Variants in WDR20 observed in about 807,000 individuals in gnomAD.
WDR20 encodes WD repeat-containing protein 20.
A neutral mutation model predicts 38.7 loss-of-function variants in WDR20; 3 were observed. The observed-to-expected ratio is 0.08, with a 90% confidence interval of 0.04 to 0.20. The LOEUF (loss-of-function observed/expected upper bound fraction) is 0.20. WDR20 is among the 10% of genes least tolerant of loss of function. The pLI, the probability that WDR20 is intolerant of heterozygous loss-of-function variation, is 1.00. For missense variants in WDR20, 559 were observed against 727.7 expected, an observed-to-expected ratio of 0.77 and a Z score of 2.67; for synonymous variants, 298 against 285.6, an observed-to-expected ratio of 1.04 and a Z score of -0.44.
intron 1 of WDR20, among the ~76,000 whole-genome samples, chr14:102,162,630 G>C (rs946959409): frequency 1.3e-5 from 2 of 148,654 alleles, no homozygotes; most frequent in Non-Finnish European, 3.0e-5. Context: ...ACGCTCTCTC[G>C]CCCTCTCACA....
chr14:102,205,335 A>G (rs1596920788), intron 2 of WDR20, among the ~76,000 whole-genome samples: 1 of 152,184 alleles, frequency 6.6e-6, no homozygotes, highest in East Asian at 1.9e-4. Flanking sequence ...GGTATGAAAA[A>G]GAAGAGTGGA....
intron 2 of WDR20, among the ~76,000 whole-genome samples, chr14:102,200,490 T>A (rs1411038249): frequency 6.7e-6 from 1 of 150,078 alleles, no homozygotes; most frequent in Non-Finnish European, 1.5e-5. Context: ...TGTGTGTGTG[T>A]GTGTGTGTGT....
intron 2 of WDR20, 45 bp downstream of exon 2, chr14:102,195,165 T>A (rs1445603263): frequency 6.3e-7 from 1 of 1,586,748 alleles, no homozygotes; most frequent in Admixed American, 1.8e-5. Context: ...CTTTAAGAGT[T>A]GATACATTCT....
At chr14:102,211,068 G>T (rs960492584), downstream of WDR20, among the ~76,000 whole-genome samples, 1 of 152,184 alleles carries the variant, frequency 6.6e-6, no homozygotes, top group African/African-American at 2.4e-5. This position sits in a 1 kb window ranked among gnomAD's most constrained non-coding sequence, Gnocchi z 4.2. Context: ...TGCTCCCCCG[G>T]AGACCGCAGT....
At chr14:102,139,824 G>A, upstream of WDR20, 6 of 1,526,718 alleles carry the variant, frequency 3.9e-6, no homozygotes, top group Non-Finnish European at 5.3e-6. Flanking sequence ...GGGGCGAGAA[G>A]GAAGAGGCAG....
At chr14:102,214,519 C>T (rs1237458080), downstream of WDR20, 10 of 985,296 alleles carry the variant, frequency 1.0e-5, no homozygotes, top group African/African-American at 1.0e-4. Context: ...TATTCATTTC[C>T]GCATCTGTTA....
intron 1 of WDR20, among the ~76,000 whole-genome samples, chr14:102,164,746 T>C (rs909721179): frequency 6.6e-6 from 1 of 152,250 alleles, no homozygotes; most frequent in African/African-American, 2.4e-5. Flanking sequence ...CCTCCTTTGC[T>C]AGTTCTTTCT....
chr14:102,223,938 C>G (rs768386758), downstream of WDR20, among the ~76,000 whole-genome samples: 3 of 152,138 alleles, frequency 2.0e-5, no homozygotes, highest in Non-Finnish European at 4.4e-5. Context: ...ACTCCGAGTC[C>G]TCCTTTCGTC....
At chr14:102,205,760 G>A (rs140663733) in intron 2 of WDR20, among the ~76,000 whole-genome samples, 1,551 of 151,702 alleles carry the variant, frequency 0.01, 29 homozygotes, top group African/African-American at 0.035. Context: ...AATGGGTAAG[G>A]CAAGTGAGAA....
At chr14:102,146,317 A>G (rs1241002411) in intron 1 of WDR20, among the ~76,000 whole-genome samples, 1 of 152,056 alleles carries the variant, frequency 6.6e-6, no homozygotes, top group Non-Finnish European at 1.5e-5. Flanking sequence ...GGCACTTGCC[A>G]CCATGCCCAG....
intron 2 of WDR20, among the ~76,000 whole-genome samples, chr14:102,202,092 C>G (rs1311821737): frequency 6.6e-6 from 1 of 152,166 alleles, no homozygotes; most frequent in Non-Finnish European, 1.5e-5. Flanking sequence ...CCACCAGGCA[C>G]CTGCCCTGCA....
chr14:102,149,745 G>A (rs956533793), intron 1 of WDR20, among the ~76,000 whole-genome samples: 27 of 152,150 alleles, frequency 1.8e-4, no homozygotes. Context: ...CCAGGCTGGA[G>A]TGCAGTGGCT....
chr14:102,168,651 CT>C (rs1566889731), intron 1 of WDR20, among the ~76,000 whole-genome samples: 2 of 152,028 alleles, frequency 1.3e-5, no homozygotes, highest in African/African-American at 4.8e-5. Flanking sequence ...GAAGGTGTGA[CT>C]TTTAAAAAAT....
downstream of WDR20, among the ~76,000 whole-genome samples, chr14:102,219,821 G>C (rs146249603): frequency 4.5e-3 from 682 of 152,350 alleles, 1 homozygote; most frequent in Non-Finnish European, 7.5e-3. Context: ...CCCCAGTTCC[G>C]TTATGCCAGT....
Position 102,199,406 on chromosome 14 carries a change from C to T in WDR20, c.432+4286C>T, listed in dbSNP as rs114257580. 4.5e-3 allele frequency among the ~76,000 whole-genome samples: 690 copies of T among 151,816 alleles called. 6 individuals are homozygous for T. Among genetic ancestry groups the T allele is most frequent in the African/African-American group, 0.015 (639 of 41,346 alleles). On this transcript the variant is annotated intron_variant, in intron 2 of 2. Transcript: ENST00000342702. ...CTTTCCTGGGAGGGGTGGTGTTGGA[C>T]GGAAAGGGTTCCGTGGGAGGTGAGA...
intron 1 of WDR20, among the ~76,000 whole-genome samples, chr14:102,161,113 C>T (rs2058551301): frequency 1.7e-5 from 1 of 57,432 alleles, no homozygotes; most frequent in African/African-American, 5.7e-5. Flanking sequence ...TGGGTCAAAG[C>T]ATAACTGCAT....
intron 1 of WDR20, among the ~76,000 whole-genome samples, chr14:102,190,430 C>T (rs764943694): frequency 6.6e-5 from 10 of 151,534 alleles, no homozygotes; most frequent in Non-Finnish European, 1.5e-4. Flanking sequence ...CAAACAAAAA[C>T]AAAAAACAAA....
intron 1 of WDR20, among the ~76,000 whole-genome samples, chr14:102,175,457 A>G (rs180797076): frequency 6.6e-6 from 1 of 152,226 alleles, no homozygotes; most frequent in East Asian, 1.9e-4. Context: ...CTATAGCCAT[A>G]TAGTATAGTG....
At chr14:102,164,236 A>G (rs575084516) in intron 1 of WDR20, among the ~76,000 whole-genome samples, 12 of 152,188 alleles carry the variant, frequency 7.9e-5, no homozygotes, top group Non-Finnish European at 1.3e-4. Context: ...CCTCATGGCC[A>G]TATATTGACT....
Sources: allele counts gnomAD v4.1 joint callset (sites outside exome capture counted in the v4.1 genomes callset), GRCh38; gene constraint gnomAD v4.1.1; non-coding constraint Gnocchi (gnomAD v3.1); transcripts MANE v1.5; gene names NCBI Gene and HGNC (gene_info 2026-07-23, HGNC 2026-07-21).